The following ARHGAP32 variants were observed in gnomAD, a reference collection of about 807,000 sequenced individuals.
ARHGAP32 encodes rho GTPase-activating protein 32.
In ARHGAP32, 51 loss-of-function variants were observed where a neutral mutation model predicts 186.5. The observed-to-expected ratio is 0.27, with a 90% confidence interval of 0.22 to 0.35. The LOEUF (loss-of-function observed/expected upper bound fraction) is 0.35. ARHGAP32 is among the 10% of genes least tolerant of loss of function. The pLI, the probability that ARHGAP32 is intolerant of heterozygous loss-of-function variation, is 1.00. For synonymous variants in ARHGAP32, 950 were observed against 964.3 expected (o/e 0.99, Z 0.27); for missense variants, 2,186 against 2,623.5 (o/e 0.83, Z 3.64).
intron 11 of ARHGAP32, among the ~76,000 whole-genome samples, chr11:129,000,005 G>A (rs1001153908): frequency 2.0e-5 from 3 of 152,126 alleles, no homozygotes; most frequent in East Asian, 1.9e-4. Flanking sequence ...AGAAATTTTC[G>A]TAGCACTTGT....
chr11:129,257,822 T>C (rs1945273961), intron 1 of ARHGAP32, among the ~76,000 whole-genome samples: 1 of 152,078 alleles, frequency 6.6e-6, no homozygotes, highest in Non-Finnish European at 1.5e-5. Flanking sequence ...CAAAGCATTA[T>C]TTGCTATTCA....
At chr11:129,219,062 C>T (rs1448265669) in intron 1 of ARHGAP32, among the ~76,000 whole-genome samples, 2 of 152,190 alleles carry the variant, frequency 1.3e-5, no homozygotes, top group Non-Finnish European at 2.9e-5. Context: ...GACAGCCACC[C>T]TACATCAACC....
At chr11:129,125,758 A>T in intron 2 of ARHGAP32, 1 of 261,564 alleles carries the variant, frequency 3.8e-6, no homozygotes. Flanking sequence ...ACCTTGTTAC[A>T]TCATCACAGT....
upstream of ARHGAP32, among the ~76,000 whole-genome samples, chr11:129,193,677 ATAT>A (rs1362692377): frequency 2.1e-5 from 1 of 47,546 alleles, no homozygotes; most frequent in African/African-American, 8.3e-5. Flanking sequence ...TATATATAAT[ATAT>A]AATATATATT....
At chr11:129,257,931 T>C (rs889879279) in intron 1 of ARHGAP32, among the ~76,000 whole-genome samples, 1 of 152,178 alleles carries the variant, frequency 6.6e-6, no homozygotes, top group African/African-American at 2.4e-5. Context: ...ACTCTTAGAA[T>C]AGGTGTGAAA....
intron 2 of ARHGAP32, among the ~76,000 whole-genome samples, chr11:129,162,710 T>G (rs1943555186): frequency 6.6e-6 from 1 of 152,194 alleles, no homozygotes; most frequent in Non-Finnish European, 1.5e-5. Context: ...CAGTTTTTAC[T>G]GCAGACTTGA....
intron 1 of ARHGAP32, among the ~76,000 whole-genome samples, chr11:129,217,511 A>G (rs894303009): frequency 9.2e-5 from 14 of 152,190 alleles, no homozygotes; most frequent in African/African-American, 3.4e-4. Flanking sequence ...AGTATAAAAG[A>G]TATCTCTCTT....
chr11:129,063,656 A>G (rs1247975540), intron 9 of ARHGAP32, among the ~76,000 whole-genome samples: 1 of 152,062 alleles, frequency 6.6e-6, no homozygotes, highest in African/African-American at 2.4e-5. Context: ...ATTTGCATGG[A>G]GTGAGGGGAG....
chr11:129,234,446 A>C (rs973222200), intron 1 of ARHGAP32, among the ~76,000 whole-genome samples: 1 of 152,246 alleles, frequency 6.6e-6, no homozygotes, highest in African/African-American at 2.4e-5. Context: ...GGAAATATGA[A>C]AAATGTAAAA....
At chr11:128,975,636 T>A (rs1009748118) in intron 20 of ARHGAP32, among the ~76,000 whole-genome samples, 2 of 152,194 alleles carry the variant, frequency 1.3e-5, no homozygotes, top group Non-Finnish European at 2.9e-5. Context: ...GAGTATTACA[T>A]AATTTTACGA....
chr11:129,194,682 G>A (rs187354191), upstream of ARHGAP32, among the ~76,000 whole-genome samples: 95 of 152,012 alleles, frequency 6.2e-4, 1 homozygote, highest in South Asian at 8.7e-3. Flanking sequence ...CCCGGGAGGT[G>A]GAGATTGTTG....
At chr11:129,174,786 A>C (rs1010174806) in intron 1 of ARHGAP32, among the ~76,000 whole-genome samples, 1 of 151,916 alleles carries the variant, frequency 6.6e-6, no homozygotes, top group African/African-American at 2.4e-5. Flanking sequence ...CCAAAAACCC[A>C]TCTGTACATC....
intron 11 of ARHGAP32, among the ~76,000 whole-genome samples, chr11:129,033,020 A>T (rs1359526649): frequency 6.6e-6 from 1 of 152,218 alleles, no homozygotes; most frequent in Non-Finnish European, 1.5e-5. Flanking sequence ...AACTCTCTAC[A>T]TGTATACATG....
rs61447996 is a variant in ARHGAP32 at position 129,142,720 on chromosome 11, G to GA, written c.226-17827dup. Among the ~76,000 whole-genome samples the GA allele has an allele frequency of 5.6e-3, 818 of 146,598 alleles. 8 individuals are homozygous for GA. The highest frequency in any genetic ancestry group is 0.017 in the African/African-American group (687 of 40,368). ...ACCAGGATTGCTCTTTTTCTTAAAG[G>GA]AAAAAAAAAAACCACTAAAATATGC... On this transcript the variant is annotated intron_variant, in intron 2 of 22. Transcript: ENST00000682385.
intron 6 of ARHGAP32, among the ~76,000 whole-genome samples, chr11:129,072,717 C>CT (rs1327247100): frequency 6.6e-6 from 1 of 152,136 alleles, no homozygotes; most frequent in Admixed American, 6.6e-5. Context: ...GCAATAAAAA[C>CT]TCCCAGAGAA....
chr11:129,056,540 TC>T (rs949341742), intron 10 of ARHGAP32, among the ~76,000 whole-genome samples: 1 of 152,124 alleles, frequency 6.6e-6, no homozygotes, highest in Non-Finnish European at 1.5e-5. Flanking sequence ...AGGAACCACA[TC>T]CAGCTCTATT....
At chr11:129,275,789 C>T (rs1013234307) in intron 1 of ARHGAP32, among the ~76,000 whole-genome samples, 3 of 152,218 alleles carry the variant, frequency 2.0e-5, no homozygotes, top group Admixed American at 6.5e-5. Flanking sequence ...AAATTTTATC[C>T]TTCTTTGGAT....
chr11:129,005,086 TATACTC>T (rs1279910234), intron 11 of ARHGAP32, among the ~76,000 whole-genome samples: 1 of 152,160 alleles, frequency 6.6e-6, no homozygotes, highest in African/African-American at 2.4e-5. Context: ...AATACTACCT[TATACTC>T]ATTTTTAAGC....
At chr11:129,098,905 T>G (rs568182460) in intron 5 of ARHGAP32, among the ~76,000 whole-genome samples, 5 of 152,326 alleles carry the variant, frequency 3.3e-5, no homozygotes, top group African/African-American at 1.2e-4. Context: ...CAAATTTGAA[T>G]GTTATAACTT....
Sources: allele counts gnomAD v4.1 joint callset (sites outside exome capture counted in the v4.1 genomes callset), GRCh38; gene constraint gnomAD v4.1.1; transcripts MANE v1.5; gene names NCBI Gene and HGNC (gene_info 2026-07-23, HGNC 2026-07-21).